Variants in WNT7B observed in about 807,000 individuals in gnomAD.
WNT7B encodes the protein protein Wnt-7b.
In WNT7B, 19 loss-of-function variants were observed where a neutral mutation model predicts 38.2. That is an observed-to-expected ratio of 0.50 (90% confidence interval 0.35 to 0.73). WNT7B has a LOEUF of 0.73. Ranked by LOEUF, WNT7B falls within the 30% of genes least tolerant of loss-of-function variation. The pLI, the probability that WNT7B is intolerant of heterozygous loss-of-function variation, is 0.01. For missense variants in WNT7B, 423 were observed against 507.9 expected, an observed-to-expected ratio of 0.83 and a Z score of 1.61; for synonymous variants, 243 against 209.3, an observed-to-expected ratio of 1.16 and a Z score of -1.39.
chr22:45,926,057 T>A, intron 3 of WNT7B: 7 of 985,196 alleles, frequency 7.1e-6, no homozygotes, highest in Non-Finnish European at 8.4e-6. Flanking sequence ...GATAATCGGC[T>A]CCCGCAGGGC....
At chr22:45,972,020 C>T (rs1387224277) in intron 1 of WNT7B, 4 of 452,740 alleles carry the variant, frequency 8.8e-6, no homozygotes, top group South Asian at 3.8e-5. Flanking sequence ...TAAAGTCCCC[C>T]GGCTCCCGCG....
chr22:45,957,794 G>A (rs551918452), intron 1 of WNT7B, among the ~76,000 whole-genome samples: 1 of 151,814 alleles, frequency 6.6e-6, no homozygotes, highest in Non-Finnish European at 1.5e-5. Context: ...CGCACGGGGG[G>A]TGCTAGCCCT....
intron 3 of WNT7B, among the ~76,000 whole-genome samples, chr22:45,928,296 A>T (rs1931158182): frequency 1.3e-5 from 2 of 152,032 alleles, no homozygotes; most frequent in South Asian, 4.2e-4. Flanking sequence ...TGCTTATGGA[A>T]AGTTCCAAAG....
At position 45,931,085 on chromosome 22, in the gene WNT7B, A is replaced by C. The variant is rs746688384; in HGVS notation, c.570+13T>G. Reference sequence around the variant, plus strand: ...CCCAGCTACGGCCCCCACCAGCCGCACCCGCACCCTACCTTCCTGCCGGCC... The same window carrying C: ...CCCAGCTACGGCCCCCACCAGCCGCCCCCGCACCCTACCTTCCTGCCGGCC... On this transcript the variant is annotated intron_variant, in intron 3 of 3. Transcript: ENST00000339464. 6.4e-7 allele frequency: 1 copy of C among 1,561,762 alleles called. No individual in the cohort carries two copies.
chr22:45,942,093 G>A (rs1385331976), intron 2 of WNT7B, among the ~76,000 whole-genome samples: 2 of 152,128 alleles, frequency 1.3e-5, no homozygotes, highest in South Asian at 4.2e-4. Flanking sequence ...AGAGCTGGAT[G>A]GGGAGTACTG....
rs1043159679 is a variant in WNT7B at position 45,966,588 on chromosome 22, G to A, written c.71+10096C>T. On this transcript the variant is annotated intron_variant, in intron 1 of 3. Transcript: ENST00000339464. The surrounding 1 kb of genome is among the most constrained non-coding windows in gnomAD (Gnocchi z 4.2). ...ACCCGGCAAGCTGCTCGTCGGGTGC[G>A]GTGGCTTCCTCCCAGGCCCAGCTCC... Among the ~76,000 whole-genome samples the A allele has an allele frequency of 2.0e-5, 3 of 152,192 alleles. No individual in the cohort carries two copies. Among genetic ancestry groups the A allele is most frequent in the South Asian group, 2.1e-4 (1 of 4,836 alleles).
At chr22:45,934,145 CAG>C (rs1249002252) in intron 2 of WNT7B, among the ~76,000 whole-genome samples, 1 of 152,216 alleles carries the variant, frequency 6.6e-6, no homozygotes, top group Admixed American at 6.5e-5. Context: ...AGCAGAGGCA[CAG>C]AGAGTGGCTG....
rs1297448884 is a variant in WNT7B at position 45,975,479 on chromosome 22, G to A, written c.71+1205C>T. ...CTGCAGGGCTCAGGCTAGGACGGGG[G>A]CTTCCAGTCCTGCCTCTGAAGCCAC... On this transcript the variant is annotated intron_variant, in intron 1 of 3. Coordinates refer to ENST00000339464, the MANE Select transcript of WNT7B (RefSeq NM_058238.3). This position sits in a 1 kb window ranked among gnomAD's most constrained non-coding sequence, Gnocchi z 6.6. 5.6e-6 allele frequency: 4 copies of A among 710,418 alleles called. No homozygotes were observed. In the African/African-American group the frequency reaches 7.0e-5, roughly 12 times the overall value. The allele number at this position is 710,418 out of a possible 1,614,324, so 44.0% of individuals were successfully genotyped here.
At chr22:45,972,458 C>T (rs1042423427) in intron 1 of WNT7B, 3 of 211,782 alleles carry the variant, frequency 1.4e-5, no homozygotes, top group Non-Finnish European at 2.8e-5. Context: ...GGCTGGAGTG[C>T]GGGGCGGGGA....
intron 2 of WNT7B, among the ~76,000 whole-genome samples, chr22:45,935,082 G>A (rs1315175043): frequency 6.6e-6 from 1 of 152,194 alleles, no homozygotes; most frequent in African/African-American, 2.4e-5. Context: ...GGGCAGAAGG[G>A]CTGCAGGCTT....
chr22:45,939,721 G>A (rs2146722036), intron 2 of WNT7B, among the ~76,000 whole-genome samples: 1 of 152,054 alleles, frequency 6.6e-6, no homozygotes, highest in South Asian at 2.1e-4. Context: ...AGCTCCTCAA[G>A]AGGCTGAGGC....
At chr22:45,947,662 G>A (rs186308012) in intron 2 of WNT7B, among the ~76,000 whole-genome samples, 3 of 152,342 alleles carry the variant, frequency 2.0e-5, no homozygotes, top group East Asian at 1.9e-4. Context: ...GCTACAAGCC[G>A]GGGCCCAGAA....
At chr22:45,936,208 C>G in intron 2 of WNT7B, 1 of 979,188 alleles carries the variant, frequency 1.0e-6, no homozygotes, top group East Asian at 1.1e-4. Context: ...TACCAGCCCT[C>G]TCTGAGCCTG....
In WNT7B at chr22:45,938,125, G is replaced by A. The variant is rs58511460; in HGVS notation, c.299-6756C>T. On this transcript the variant is annotated intron_variant, in intron 2 of 3. Coordinates refer to ENST00000339464, the MANE Select transcript of WNT7B (RefSeq NM_058238.3). Reference sequence around the variant, plus strand: ...AAAGGTGGTATAGATACACAATGGAGTATTACTCAGCCATGAAAAAGAATG... The same window carrying A: ...AAAGGTGGTATAGATACACAATGGAATATTACTCAGCCATGAAAAAGAATG... Among the ~76,000 whole-genome samples the A allele has an allele frequency of 7.9e-3, 1,205 of 152,310 alleles. 10 individuals are homozygous for A. Among genetic ancestry groups the A allele is most frequent in the African/African-American group, 0.028 (1,166 of 41,550 alleles).
At position 45,951,603 on chromosome 22, in the gene WNT7B, C is replaced by T. The variant is rs866257134; in HGVS notation, c.72-1457G>A. Among the ~76,000 whole-genome samples the T allele has an allele frequency of 1.3e-4, 20 of 152,310 alleles. No individual in the cohort carries two copies. Among genetic ancestry groups the T allele is most frequent in the Middle Eastern group, 3.4e-3 (1 of 294 alleles). On this transcript the variant is annotated intron_variant, in intron 1 of 3. Coordinates refer to ENST00000339464, the MANE Select transcript of WNT7B (RefSeq NM_058238.3). The surrounding 1 kb of genome is among the most constrained non-coding windows in gnomAD (Gnocchi z 4.8). ...CTGCTTTCTGTTCCCATGGATTTGC[C>T]CATTCTGGATGTTTCCTATGGATGG...
At chr22:45,943,671 T>TG (rs199984353) in intron 2 of WNT7B, among the ~76,000 whole-genome samples, 3,081 of 152,292 alleles carry the variant, frequency 0.02, 103 homozygotes, top group African/African-American at 0.071. Context: ...CTCTGGCCCT[T>TG]GGGGGCAACA....
At chr22:45,972,135 A>ACGCCGCC (rs912487468) in intron 1 of WNT7B, 13 of 155,146 alleles carry the variant, frequency 8.4e-5, no homozygotes, top group African/African-American at 5.3e-4. Context: ...CCCACCCCGC[A>ACGCCGCC]CGCCGCCCGC....
Position 45,975,615 on chromosome 22 carries a change from C to T in WNT7B, c.71+1069G>A, listed in dbSNP as rs1329856679. The stretch of plus-strand genomic sequence containing the variant: ...CGATTCCCAGCGCCTGCTTCCACCT[C>T]TCCGCCTGGGAAGCCGCGTCTCCCA... On this transcript the variant is annotated intron_variant, in intron 1 of 3. Transcript: ENST00000339464. The surrounding 1 kb of genome is among the most constrained non-coding windows in gnomAD (Gnocchi z 6.6). The T allele has an allele frequency of 4.2e-6, 3 of 715,620 alleles. No homozygotes were observed. The highest frequency in any genetic ancestry group is 7.8e-6 in the Non-Finnish European group (3 of 384,090). 44.3% of individuals were successfully genotyped at this position (715,620 alleles called of 1,614,324 possible).
chr22:45,925,538 C>A (rs1931056657), intron 3 of WNT7B: 1 of 985,164 alleles, frequency 1.0e-6, no homozygotes, highest in African/African-American at 1.7e-5. Flanking sequence ...GTCTGGGCGA[C>A]CCCCAGAGAG....
Sources: gnomAD v4.1 joint callset for allele counts (sites outside exome capture counted in the v4.1 genomes callset) on GRCh38, gnomAD v4.1.1 for gene constraint, Gnocchi (gnomAD v3.1) non-coding constraint, MANE v1.5 for transcripts, NCBI Gene and HGNC (gene_info 2026-07-23, HGNC 2026-07-21) for gene names.